Variants in CDH11 observed in about 807,000 individuals in gnomAD.
The protein encoded by CDH11 is cadherin 11, also known as cadherin-11.
Under a neutral mutation model 67.8 loss-of-function variants are expected in CDH11, and 11 were observed. The observed-to-expected ratio is 0.16, with a 90% confidence interval of 0.10 to 0.27. The LOEUF is 0.27. Ranked by LOEUF, CDH11 falls within the 10% of genes least tolerant of loss-of-function variation. CDH11 has a pLI of 1.00. For missense variants in CDH11, 847 were observed against 1,031.2 expected, an observed-to-expected ratio of 0.82 and a Z score of 2.45; for synonymous variants, 419 against 400.0, an observed-to-expected ratio of 1.05 and a Z score of -0.57.
rs1445060745 is a variant in CDH11, at chr16:64,946,351, G to A, written c.*1252C>T. ...TTGACTCTAGTCCCCCAGTTCCCCAGTGCTCAGTGTGGGGCATAGAATGTA... is the reference window on the plus strand; with the variant it reads ...TTGACTCTAGTCCCCCAGTTCCCCAATGCTCAGTGTGGGGCATAGAATGTA... On this transcript the variant is annotated 3_prime_UTR_variant, in exon 13 of 13. Transcript: ENST00000268603. 1 of 1,031,638 alleles carries A rather than the reference G, an allele frequency of 9.7e-7. No homozygotes were observed. The highest frequency in any genetic ancestry group is 5.9e-5 in the Admixed American group (1 of 16,996). 63.9% of individuals were successfully genotyped at this position (1,031,638 alleles called of 1,614,324 possible). A position where few individuals can be genotyped will look rare whatever the true frequency, so the allele number is the denominator to read the frequency against.
intron 1 of CDH11, among the ~76,000 whole-genome samples, chr16:65,073,060 A>G (rs145741546): frequency 1.5e-3 from 222 of 152,340 alleles, no homozygotes; most frequent in Non-Finnish European, 2.0e-3. Context: ...TTAGGTTACA[A>G]TGCTACATTT....
intron 11 of CDH11, among the ~76,000 whole-genome samples, chr16:64,964,595 C>T (rs533230716): frequency 6.6e-6 from 1 of 152,148 alleles, no homozygotes; most frequent in African/African-American, 2.4e-5. Context: ...GTCACCCAGG[C>T]TGGAGTGCAG....
chr16:65,044,626 C>T (rs1208858575), intron 2 of CDH11, among the ~76,000 whole-genome samples: 5 of 151,870 alleles, frequency 3.3e-5, no homozygotes, highest in East Asian at 3.9e-4. Context: ...TCTGCTCACT[C>T]GGACAAATGG....
intron 1 of CDH11, among the ~76,000 whole-genome samples, chr16:65,083,261 C>T (rs886069523): frequency 2.0e-5 from 3 of 152,170 alleles, no homozygotes; most frequent in Admixed American, 6.5e-5. Flanking sequence ...ATCAGGCTGC[C>T]TGGTTCCAAT....
chr16:65,102,306 T>C (rs1336964998), intron 1 of CDH11, among the ~76,000 whole-genome samples: 1 of 152,250 alleles, frequency 6.6e-6, no homozygotes, highest in African/African-American at 2.4e-5. Context: ...TTACGGCCAA[T>C]TTGTCTCATT....
chr16:65,093,060 C>T (rs2074820468), intron 1 of CDH11, among the ~76,000 whole-genome samples: 1 of 151,592 alleles, frequency 6.6e-6, no homozygotes, highest in African/African-American at 2.4e-5. Flanking sequence ...CCTCAGCCTC[C>T]TGAGTAGCAG....
chr16:65,063,850 A>T (rs1234219609), intron 1 of CDH11, among the ~76,000 whole-genome samples: 1 of 152,202 alleles, frequency 6.6e-6, no homozygotes, highest in Non-Finnish European at 1.5e-5. Context: ...TCCTACTTTG[A>T]AATGACAGAA....
At chr16:65,041,666 T>C (rs2073870532) in intron 2 of CDH11, among the ~76,000 whole-genome samples, 1 of 152,256 alleles carries the variant, frequency 6.6e-6, no homozygotes, top group Admixed American at 6.5e-5. Flanking sequence ...GTTCTTCTGA[T>C]TGATACCTAC....
chr16:65,014,336 C>G (rs746471102), intron 2 of CDH11, among the ~76,000 whole-genome samples: 2 of 152,090 alleles, frequency 1.3e-5, no homozygotes, highest in Admixed American at 6.6e-5. Flanking sequence ...AATCAGTGAA[C>G]TTAATTTTTA....
intron 2 of CDH11, among the ~76,000 whole-genome samples, chr16:65,047,090 G>A (rs1413592017): frequency 1.3e-5 from 2 of 152,068 alleles, no homozygotes; most frequent in Admixed American, 6.6e-5. Context: ...CTCCAACCTG[G>A]GTGACAAAGT....
At chr16:64,972,817 A>G in intron 9 of CDH11, 87 bp downstream of exon 9, 1 of 1,401,206 alleles carries the variant, frequency 7.1e-7, no homozygotes, top group Non-Finnish European at 9.9e-7. Context: ...AAGTTAGTCT[A>G]TCTCAGCTAT....
At chr16:64,960,535 A>T (rs1285330013) in intron 11 of CDH11, among the ~76,000 whole-genome samples, 1 of 152,050 alleles carries the variant, frequency 6.6e-6, no homozygotes, top group Non-Finnish European at 1.5e-5. Context: ...AGGCAGCCCA[A>T]ATGTTCTGAG....
intron 1 of CDH11, among the ~76,000 whole-genome samples, chr16:65,073,595 T>C (rs906373978): frequency 5.3e-5 from 8 of 152,170 alleles, no homozygotes; most frequent in Non-Finnish European, 1.2e-4. Context: ...TCCTTTTTAA[T>C]ATATTGCTTT....
chr16:65,081,517 C>T (rs1317338840), intron 1 of CDH11, among the ~76,000 whole-genome samples: 1 of 149,840 alleles, frequency 6.7e-6, no homozygotes, highest in East Asian at 2.0e-4. Flanking sequence ...TGCAGTGAGC[C>T]GAGATCGGGC....
chr16:65,020,135 C>A (rs1005842608), intron 2 of CDH11, among the ~76,000 whole-genome samples: 1 of 152,158 alleles, frequency 6.6e-6, no homozygotes, highest in Non-Finnish European at 1.5e-5. Context: ...CTCTTTCCAG[C>A]AAAGCCGGGG....
rs1334258249 is a variant in CDH11 at position 65,047,827 on chromosome 16, G to T, written c.-173+5977C>A. On this transcript the variant is annotated intron_variant, in intron 2 of 12. Transcript: ENST00000268603. ...CCCTTTGCCTGGAAAATCCTTCCCG[G>T]TTTCTCCTGATAAATCCCTACTCAT... 2.6e-5 allele frequency among the ~76,000 whole-genome samples: 4 copies of T among 152,056 alleles called. No individual in the cohort carries two copies. The East Asian group carries it at 7.7e-4, about 29-fold the overall frequency.
rs140148967 is a variant in CDH11 at position 64,969,830 on chromosome 16, A to G, written c.1642+1749T>C. Among the ~76,000 whole-genome samples the G allele has an allele frequency of 9.0e-3, 1,372 of 152,294 alleles. 15 individuals are homozygous for G. The highest frequency in any genetic ancestry group is 0.014 in the Non-Finnish European group (980 of 68,016). ...TGCCTGAGTTTCCTTGTTTTGGAGA[A>G]AACTATCATTACAAAATGAATTCCT... On this transcript the variant is annotated intron_variant, in intron 11 of 12. Coordinates refer to ENST00000268603, the MANE Select transcript of CDH11 (RefSeq NM_001797.4).
At chr16:65,092,760 C>T (rs1236071613) in intron 1 of CDH11, among the ~76,000 whole-genome samples, 1 of 150,546 alleles carries the variant, frequency 6.6e-6, no homozygotes, top group Non-Finnish European at 1.5e-5. Context: ...ACTGAGGTTC[C>T]TCCTCATCTT....
chr16:64,972,078 A>G lies in CDH11; in HGVS notation c.1391-14T>C, dbSNP rs780076074. 3.1e-6 allele frequency: 5 copies of G among 1,612,472 alleles called. No individual in the cohort carries two copies. The highest frequency in any genetic ancestry group is 2.2e-5 in the South Asian group (2 of 91,022). On this transcript the variant is annotated splice_polypyrimidine_tract_variant and intron_variant, in intron 9 of 12. Coordinates refer to ENST00000268603, the MANE Select transcript of CDH11 (RefSeq NM_001797.4). Reference sequence around the variant, plus strand: ...GATGCCGATTGTCTGGGAAGACAGAATGCAGACAGTCAAGAAAGGTCAAGG... The same window carrying G: ...GATGCCGATTGTCTGGGAAGACAGAGTGCAGACAGTCAAGAAAGGTCAAGG...
Sources: gnomAD v4.1 joint callset for allele counts (sites outside exome capture counted in the v4.1 genomes callset) on GRCh38, gnomAD v4.1.1 for gene constraint, MANE v1.5 for transcripts, NCBI Gene and HGNC (gene_info 2026-07-23, HGNC 2026-07-21) for gene names.